CLVS1: variants seen among roughly 807,000 people sequenced by gnomAD.
The protein encoded by CLVS1 is clavesin 1.
CLVS1 carries 10 observed loss-of-function variants against 33.1 expected under a neutral mutation model. The ratio of observed to expected loss-of-function variants is 0.30; its 90% CI spans 0.19 to 0.51. The LOEUF (loss-of-function observed/expected upper bound fraction) is 0.51, where lower values mean the gene tolerates loss of function less well. CLVS1 is among the 20% of genes least tolerant of loss of function. The pLI is 0.97. For synonymous variants in CLVS1, 163 were observed against 166.1 expected (o/e 0.98, Z 0.14); for missense variants, 343 against 433.4 (o/e 0.79, Z 1.85).
chr8:61,364,824 T>C (rs1468085258), intron 2 of CLVS1, among the ~76,000 whole-genome samples: 1 of 152,228 alleles, frequency 6.6e-6, no homozygotes, highest in Non-Finnish European at 1.5e-5. Flanking sequence ...GAGTTTTCAT[T>C]GGAGTAGGCA....
chr8:61,440,742 T>C (rs951374460), intron 3 of CLVS1, among the ~76,000 whole-genome samples: 3 of 152,230 alleles, frequency 2.0e-5, no homozygotes, highest in African/African-American at 7.2e-5. Flanking sequence ...TCTTCTAGTG[T>C]GCTCTGATAT....
intron 1 of CLVS1, among the ~76,000 whole-genome samples, chr8:61,116,146 T>C (rs1805719840): frequency 6.6e-6 from 1 of 152,238 alleles, no homozygotes; most frequent in African/African-American, 2.4e-5. Context: ...CATTTTTTCA[T>C]GTGTTTTTGG....
At chr8:61,326,130 T>A (rs1365857576) in intron 2 of CLVS1, among the ~76,000 whole-genome samples, 4 of 152,208 alleles carry the variant, frequency 2.6e-5, no homozygotes, top group Non-Finnish European at 5.9e-5. Context: ...CTTTCAGCCT[T>A]CATTTGCAAC....
chr8:61,396,362 A>G (rs114501606), intron 3 of CLVS1, among the ~76,000 whole-genome samples: 3,155 of 152,314 alleles, frequency 0.021, 90 homozygotes, highest in African/African-American at 0.071. Context: ...AAAAATTGTT[A>G]CAGCATTTTT....
intron 2 of CLVS1, among the ~76,000 whole-genome samples, chr8:61,273,358 C>CT (rs1809489113): frequency 6.6e-6 from 1 of 152,188 alleles, no homozygotes; most frequent in Non-Finnish European, 1.5e-5. Flanking sequence ...TCTCAGATCT[C>CT]CAGCTGCGTG....
At chr8:61,215,944 G>A (rs1585695881) in intron 2 of CLVS1, among the ~76,000 whole-genome samples, 2 of 152,176 alleles carry the variant, frequency 1.3e-5, no homozygotes, top group African/African-American at 4.8e-5. Context: ...TTTCCAAGGT[G>A]TGAACACAGC....
At chr8:61,484,991 CT>C (rs1331776626) in intron 5 of CLVS1, among the ~76,000 whole-genome samples, 1 of 152,134 alleles carries the variant, frequency 6.6e-6, no homozygotes, top group Non-Finnish European at 1.5e-5. Flanking sequence ...CATAAAAACC[CT>C]AGAAGAAAAC....
intron 2 of CLVS1, among the ~76,000 whole-genome samples, chr8:61,340,036 A>T: frequency 6.6e-6 from 1 of 151,692 alleles, no homozygotes; most frequent in African/African-American, 2.4e-5. Context: ...AAAAGAAAGA[A>T]AAAAGGAAGG....
intron 1 of CLVS1, among the ~76,000 whole-genome samples, chr8:61,093,265 C>T (rs1207311616): frequency 6.6e-6 from 1 of 152,092 alleles, no homozygotes; most frequent in Non-Finnish European, 1.5e-5. Context: ...CCCCTATATA[C>T]CTTGAGTTGT....
intron 3 of CLVS1, among the ~76,000 whole-genome samples, chr8:61,388,548 G>A (rs866179530): frequency 6.6e-6 from 1 of 151,772 alleles, no homozygotes; most frequent in African/African-American, 2.4e-5. Context: ...CTAAAATATA[G>A]GATATGCAGC....
chr8:61,271,679 C>T lies in CLVS1; in HGVS notation c.-151-27998C>T, dbSNP rs1304619953. Among the ~76,000 whole-genome samples the T allele has an allele frequency of 2.5e-5, 2 of 80,334 alleles. 1 individual carries two copies. The highest frequency in any genetic ancestry group is 2.1e-4 in the African/African-American group (2 of 9,452). The allele number at this position is 80,334 out of a possible 152,430, so 52.7% of individuals were successfully genotyped here. The stretch of plus-strand genomic sequence containing the variant: ...CTCTTTGTAGGTCTCTAAGGACTTG[C>T]TTTATGAATCTGGGTGCTCCTGTAT... On this transcript the variant is annotated intron_variant, in intron 2 of 2. Transcript: ENST00000522621.
At chr8:61,388,646 T>C (rs1170909903) in intron 3 of CLVS1, among the ~76,000 whole-genome samples, 6 of 152,190 alleles carry the variant, frequency 3.9e-5, no homozygotes, top group Admixed American at 3.3e-4. Flanking sequence ...ATTTTTTAAC[T>C]TGACACATAG....
chr8:61,050,476 G>A, the CLVS1 span, among the ~76,000 whole-genome samples: 17 of 152,204 alleles, frequency 1.1e-4, no homozygotes, highest in Admixed American at 3.3e-4. Context: ...CCAATGATTT[G>A]ACTAGGACAC....
chr8:61,491,271 A>G (rs887853572), intron 5 of CLVS1, among the ~76,000 whole-genome samples: 1 of 152,240 alleles, frequency 6.6e-6, no homozygotes, highest in Non-Finnish European at 1.5e-5. Context: ...GATCTTGTTC[A>G]AGATCATTGT....
At chr8:61,288,328 C>T (rs377425623) in intron 1 of CLVS1, 190 bp downstream of exon 1, 33 of 452,594 alleles carry the variant, frequency 7.3e-5, no homozygotes, top group South Asian at 5.1e-4. Flanking sequence ...ATCCTCCTCC[C>T]GGCGCCCGCT....
In CLVS1 at chr8:61,309,546, TTCTC is replaced by T. The variant is rs149650003; in HGVS notation, c.455+9265_455+9268del. Among the ~76,000 whole-genome samples, 2,154 of 152,320 alleles carry T rather than the reference TTCTC, an allele frequency of 0.014. 103 individuals are homozygous for T. In the East Asian group the frequency reaches 0.19, roughly 13 times the overall value. ...ACATGAAGACACTGTCATATTTACT[TTCTC>T]ATGTAGAAAAACACCCCAAATCTGT... On this transcript the variant is annotated intron_variant, in intron 2 of 5. Transcript: ENST00000325897.
rs76478336 is a variant in CLVS1 at position 61,462,355 on chromosome 8, T to C, written c.977+3813T>C. Among the ~76,000 whole-genome samples, 233 of 152,308 alleles carry C rather than the reference T, an allele frequency of 1.5e-3. 2 individuals are homozygous for C. The highest frequency in any genetic ancestry group is 5.3e-3 in the African/African-American group (220 of 41,562). ...ACTATCTATGGTAGCTATAGTCTTA[T>C]GAAATGTTTTTGTTTGTTTGTTTGT... On this transcript the variant is annotated intron_variant, in intron 5 of 5. Coordinates refer to ENST00000325897, the MANE Select transcript of CLVS1 (RefSeq NM_173519.3).
intron 2 of CLVS1, among the ~76,000 whole-genome samples, chr8:61,186,280 A>G (rs1807342775): frequency 6.6e-6 from 1 of 152,236 alleles, no homozygotes; most frequent in Admixed American, 6.5e-5. Flanking sequence ...GCAAGATTAA[A>G]ACTTTCAGCT....
intron 3 of CLVS1, among the ~76,000 whole-genome samples, chr8:61,406,810 T>G (rs1295092116): frequency 1.3e-5 from 2 of 152,168 alleles, no homozygotes; most frequent in Non-Finnish European, 2.9e-5. Flanking sequence ...GGTTTCACTG[T>G]GTTGCCCAGG....
Sources: allele counts gnomAD v4.1 joint callset (sites outside exome capture counted in the v4.1 genomes callset), GRCh38; gene constraint gnomAD v4.1.1; transcripts MANE v1.5; gene names NCBI Gene and HGNC (gene_info 2026-07-23, HGNC 2026-07-21).